The following KCNIP1 variants were observed in gnomAD, a reference collection of about 807,000 sequenced individuals.
The protein encoded by KCNIP1 is A-type potassium channel modulatory protein KCNIP1.
KCNIP1 carries 18 observed loss-of-function variants against 33.0 expected under a neutral mutation model. That is an observed-to-expected ratio of 0.55 (90% CI 0.38 to 0.81). KCNIP1 has a LOEUF of 0.81. KCNIP1 is among the 30% of genes least tolerant of loss of function. The pLI is 0.00. For missense variants in KCNIP1, 238 were observed against 271.6 expected (o/e 0.88, Z 0.87); for synonymous variants, 93 against 98.3 (o/e 0.95, Z 0.32).
intron 1 of KCNIP1, among the ~76,000 whole-genome samples, chr5:170,381,878 G>A (rs892608315): frequency 1.3e-5 from 2 of 152,202 alleles, no homozygotes; most frequent in Non-Finnish European, 2.9e-5. Flanking sequence ...GTCATGGGTA[G>A]GAGCTGCCTC....
chr5:170,405,138 C>T (rs1480111871), intron 1 of KCNIP1, among the ~76,000 whole-genome samples: 1 of 151,760 alleles, frequency 6.6e-6, no homozygotes, highest in Non-Finnish European at 1.5e-5. Context: ...ATACATATGC[C>T]AAATTGCCCT....
chr5:170,625,444 G>A (rs1759784786), intron 1 of KCNIP1, among the ~76,000 whole-genome samples: 1 of 152,182 alleles, frequency 6.6e-6, no homozygotes, highest in African/African-American at 2.4e-5. Context: ...CCCTTCTCAT[G>A]GGCACCCTCA....
At position 170,407,824 on chromosome 5, in the gene KCNIP1, G is replaced by T. The variant is rs115777517; in HGVS notation, c.88+53860G>T. Among the ~76,000 whole-genome samples the T allele has an allele frequency of 8.0e-3, 1,222 of 152,256 alleles. 16 individuals are homozygous for T. The highest frequency in any genetic ancestry group is 0.028 in the African/African-American group (1,148 of 41,534). On this transcript the variant is annotated intron_variant, in intron 1 of 7. Coordinates refer to the KCNIP1 transcript ENST00000377360. ...CCAAACATGTCATAGCGGATTTATG[G>T]GTGTAAATTATACTGTTTGCTCAAA...
At chr5:170,366,743 G>T (rs1763672749) in intron 1 of KCNIP1, among the ~76,000 whole-genome samples, 1 of 152,220 alleles carries the variant, frequency 6.6e-6, no homozygotes, top group Admixed American at 6.5e-5. Context: ...TGGTAGCTGG[G>T]GGCACAGGGA....
rs532092508 is a variant in KCNIP1 at position 170,675,383 on chromosome 5, G to T, written c.62-43375G>T. Among the ~76,000 whole-genome samples, 26 of 152,258 alleles carry T rather than the reference G, an allele frequency of 1.7e-4. No homozygotes were observed. The East Asian group carries it at 4.4e-3, about 26-fold the overall frequency. On this transcript the variant is annotated intron_variant, in intron 1 of 7. Transcript: ENST00000328939. ...GCCTGTAATCCTGGCACTTTGGGAG[G>T]CCAAGGCAGGCGGATCACGAGGTCA...
chr5:170,669,418 C>A, intron 1 of KCNIP1: 1 of 592,726 alleles, frequency 1.7e-6, no homozygotes, highest in Non-Finnish European at 2.1e-6. Flanking sequence ...ATTCCTAGGT[C>A]CTTGGTGCTA....
At chr5:170,559,497 C>T (rs989441566) in intron 1 of KCNIP1, among the ~76,000 whole-genome samples, 10 of 152,168 alleles carry the variant, frequency 6.6e-5, no homozygotes, top group Non-Finnish European at 1.5e-4. Flanking sequence ...AAGCACACTC[C>T]TATTCATCCT....
At chr5:170,602,764 G>A (rs1758745078) in intron 1 of KCNIP1, among the ~76,000 whole-genome samples, 1 of 152,178 alleles carries the variant, frequency 6.6e-6, no homozygotes, top group African/African-American at 2.4e-5. Flanking sequence ...CCTGGCGGAT[G>A]GGTCTCCATA....
rs376136290 is a variant in KCNIP1 at position 170,482,061 on chromosome 5, G to A, written c.88+128097G>A. On this transcript the variant is annotated intron_variant, in intron 1 of 7. Transcript: ENST00000377360. ...TTAACAGAATGTTGGCTGTGGTTAC[G>A]GGATGCTTTGCAGTCTATGTCTTAA... Among the ~76,000 whole-genome samples the A allele has an allele frequency of 1.1e-4, 17 of 152,300 alleles. No homozygotes were observed. The South Asian group carries it at 1.7e-3, about 15-fold the overall frequency.
chr5:170,398,404 T>C (rs1335101405), intron 1 of KCNIP1, among the ~76,000 whole-genome samples: 3 of 152,388 alleles, frequency 2.0e-5, no homozygotes, highest in South Asian at 2.1e-4. Context: ...AGAATACCGA[T>C]ACCAATTCTT....
chr5:170,385,414 C>T (rs761954872), intron 1 of KCNIP1: 64 of 1,613,954 alleles, frequency 4.0e-5, no homozygotes, highest in Non-Finnish European at 5.3e-5. Flanking sequence ...CGTGTCTCTC[C>T]CCGCTTCTGG....
chr5:170,433,134 G>A (rs907226578), intron 1 of KCNIP1, among the ~76,000 whole-genome samples: 1 of 152,170 alleles, frequency 6.6e-6, no homozygotes. Context: ...TACAGTCCCA[G>A]TCTAATTAAA....
intron 1 of KCNIP1, among the ~76,000 whole-genome samples, chr5:170,554,557 G>T (rs1054745319): frequency 6.6e-6 from 1 of 152,200 alleles, no homozygotes; most frequent in Admixed American, 6.5e-5. Context: ...GGAATCTCAG[G>T]CACCTGAAGA....
intron 1 of KCNIP1, among the ~76,000 whole-genome samples, chr5:170,398,813 T>TTTGAG (rs1754823946): frequency 6.6e-6 from 1 of 152,164 alleles, no homozygotes; most frequent in Non-Finnish European, 1.5e-5. Flanking sequence ...ATAAACAGGT[T>TTTGAG]ATTCTGTAAA....
chr5:170,728,525 T>C (rs1764083054), intron 5 of KCNIP1, among the ~76,000 whole-genome samples: 1 of 152,192 alleles, frequency 6.6e-6, no homozygotes, highest in South Asian at 2.1e-4. Context: ...AGAAATTGTG[T>C]AGCCAATATA....
rs373039474 is a variant in KCNIP1 at position 170,625,368 on chromosome 5, G to A, written c.62-93390G>A. Among the ~76,000 whole-genome samples, 12 of 152,188 alleles carry A rather than the reference G, an allele frequency of 7.9e-5. No homozygotes were observed. In the East Asian group the frequency reaches 9.7e-4, roughly 12 times the overall value. ...TACAAGAGCTCTGTCACCAAGCATCGGGCCTGTGGCTGCACTACACGTCTG... is the reference window on the plus strand; with the variant it reads ...TACAAGAGCTCTGTCACCAAGCATCAGGCCTGTGGCTGCACTACACGTCTG... On this transcript the variant is annotated intron_variant, in intron 1 of 7. Transcript: ENST00000328939.
intron 1 of KCNIP1, chr5:170,486,187 T>C (rs1357070231): frequency 6.6e-6 from 1 of 152,222 alleles, no homozygotes; most frequent in East Asian, 1.9e-4. Flanking sequence ...TGACAGGTGT[T>C]CTGTGATCCT....
chr5:170,631,198 T>C (rs192199886), intron 1 of KCNIP1, among the ~76,000 whole-genome samples: 1 of 152,232 alleles, frequency 6.6e-6, no homozygotes, highest in African/African-American at 2.4e-5. Flanking sequence ...GGGGCTGTTG[T>C]CCTAACTGCC....
chr5:170,425,471 G>A (rs180879311), intron 1 of KCNIP1, among the ~76,000 whole-genome samples: 28 of 152,290 alleles, frequency 1.8e-4, no homozygotes, highest in African/African-American at 6.7e-4. Context: ...GCAGAGAGCT[G>A]CTGGAGAAAA....
Sources: gnomAD v4.1 joint callset for allele counts (sites outside exome capture counted in the v4.1 genomes callset) on GRCh38, gnomAD v4.1.1 for gene constraint, MANE v1.5 for transcripts, NCBI Gene and HGNC (gene_info 2026-07-23, HGNC 2026-07-21) for gene names.